Variants in CALB2 observed in about 807,000 individuals in gnomAD.
The protein encoded by CALB2 is calbindin 2.
CALB2 carries 34 observed loss-of-function variants against 45.9 expected under a neutral mutation model. The ratio of observed to expected loss-of-function variants is 0.74; its 90% CI spans 0.56 to 0.99. The LOEUF (loss-of-function observed/expected upper bound fraction) is 0.99. Among genes scored for constraint, CALB2 ranks in the 50% least tolerant of loss-of-function variants. The pLI is 0.00. For missense variants in CALB2, 344 were observed against 339.3 expected, an observed-to-expected ratio of 1.01 and a Z score of -0.11; for synonymous variants, 142 against 129.6, an observed-to-expected ratio of 1.10 and a Z score of -0.65.
rs1443716702 is a variant in CALB2 at position 71,358,725 on chromosome 16, C to A, written c.-68C>A. 5.5e-6 allele frequency: 7 copies of A among 1,264,204 alleles called. No homozygotes were observed. The highest frequency in any genetic ancestry group is 2.3e-4 in the Middle Eastern group (1 of 4,398). The allele number at this position is 1,264,204 out of a possible 1,614,324, so 78.3% of individuals were successfully genotyped here. ...AGGGCAGCGTGGCGCACAACCCCAGCGCGAGTGCCAGAGCCCAGCCGGCGC... is the reference window on the plus strand; with the variant it reads ...AGGGCAGCGTGGCGCACAACCCCAGAGCGAGTGCCAGAGCCCAGCCGGCGC... On this transcript the variant is annotated 5_prime_UTR_variant, in exon 1 of 11. Transcript: ENST00000302628.
Position 71,390,046 on chromosome 16 carries a change from C to G in CALB2, c.*181C>G, listed in dbSNP as rs2042620030. On this transcript the variant is annotated 3_prime_UTR_variant, in exon 11 of 11. Transcript: ENST00000302628. ...CAGCTGGGGGGCTGTCCTGAGCCCC[C>G]TGCACCCACCCCTGCCCAGGCAGTC... 3.4e-6 allele frequency: 2 copies of G among 588,664 alleles called. No homozygotes were observed. Among genetic ancestry groups the G allele is most frequent in the Non-Finnish European group, 6.1e-6 (2 of 328,940 alleles). 36.5% of individuals were successfully genotyped at this position (588,664 alleles called of 1,614,324 possible). A position where few individuals can be genotyped will look rare whatever the true frequency, so the allele number is the denominator to read the frequency against.
In CALB2 at chr16:71,370,267, C is replaced by G. The variant is rs139420799; in HGVS notation, c.95-1886C>G. Among the ~76,000 whole-genome samples, 199 of 152,302 alleles carry G rather than the reference C, an allele frequency of 1.3e-3. 2 individuals are homozygous for G. The highest frequency in any genetic ancestry group is 4.4e-3 in the African/African-American group (184 of 41,576). On this transcript the variant is annotated intron_variant, in intron 1 of 10. Coordinates refer to ENST00000302628, the MANE Select transcript of CALB2 (RefSeq NM_001740.5). Reference sequence around the variant, plus strand: ...GGAGAGGCTGGGAAAAGCCTCCCCCCACAACCCCTCACAGAGGCTGGGGTA... The same window carrying G: ...GGAGAGGCTGGGAAAAGCCTCCCCCGACAACCCCTCACAGAGGCTGGGGTA...
In CALB2 at chr16:71,389,828, A is replaced by G; in HGVS notation, c.779A>G (p.Asp260Gly). The change falls in exon 11 of 11, where the codon GAC (aspartate) becomes GGC (glycine). Residue 260 changes from aspartate (D) to glycine (G), a missense_variant. Asp to Gly is a moderately conservative substitution (Grantham distance 94). Transcript: ENST00000302628. ...GAGGCAGGGAAGCTCTACCGCAAGG[A>G]CCTGGAGATTGTGCTCTGCAGCGAG... The part of the protein sequence containing the change: ...LAEAGKLYRK[D>G]LEIVLCSEPP... The G allele has an allele frequency of 6.2e-7, 1 of 1,613,936 alleles. No individual in the cohort carries two copies. The highest frequency in any genetic ancestry group is 8.5e-7 in the Non-Finnish European group (1 of 1,179,960).
intron 4 of CALB2, among the ~76,000 whole-genome samples, chr16:71,379,221 G>A (rs2042455115): frequency 6.6e-6 from 1 of 151,916 alleles, no homozygotes; most frequent in African/African-American, 2.4e-5. Flanking sequence ...AGGTTGCAGT[G>A]AGCCAAGATC....
At chr16:71,377,077 A>G (rs931773168) in intron 3 of CALB2, among the ~76,000 whole-genome samples, 1 of 152,198 alleles carries the variant, frequency 6.6e-6, no homozygotes, top group Non-Finnish European at 1.5e-5. Flanking sequence ...TCCAGGAGCA[A>G]AAAAGGGGGT....
intron 1 of CALB2, among the ~76,000 whole-genome samples, chr16:71,366,891 A>G (rs2042293918): frequency 6.6e-6 from 1 of 152,168 alleles, no homozygotes; most frequent in South Asian, 2.1e-4. Flanking sequence ...TGAGGCTCAG[A>G]GAGATTGACT....
rs1265337095 is a variant in CALB2 at position 71,380,287 on chromosome 16, CTTTTCTTTTT to C, written c.343-2427_343-2418del. Reference sequence around the variant, plus strand: ...CTTTTCTTTCTTTCTTCTTTCCTTCCTTTTCTTTTTTTTTTTTTTTTTTTTTTTTTTTTTT... The same window carrying C: ...CTTTTCTTTCTTTCTTCTTTCCTTCCTTTTTTTTTTTTTTTTTTTTTTTTT... On this transcript the variant is annotated intron_variant, in intron 4 of 10. Coordinates refer to ENST00000302628, the MANE Select transcript of CALB2 (RefSeq NM_001740.5). Among the ~76,000 whole-genome samples, 77 of 87,072 alleles carry C rather than the reference CTTTTCTTTTT, an allele frequency of 8.8e-4. 5 individuals carry two copies. The highest frequency in any genetic ancestry group is 2.9e-3 in the African/African-American group (70 of 23,812). 57.1% of individuals were successfully genotyped at this position (87,072 alleles called of 152,430 possible).
At chr16:71,383,239 CA>C in intron 5 of CALB2, 127 bp from the exon 6 acceptor site, 1 of 867,616 alleles carries the variant, frequency 1.2e-6, no homozygotes, top group Non-Finnish European at 1.9e-6. Context: ...GGCCCTGAGT[CA>C]TAGAACTGGT....
intron 1 of CALB2, among the ~76,000 whole-genome samples, chr16:71,369,424 G>A (rs2042322317): frequency 6.6e-6 from 1 of 152,192 alleles, no homozygotes; most frequent in Non-Finnish European, 1.5e-5. Flanking sequence ...AGGGGCCAGA[G>A]AAGAAATGGC....
intron 1 of CALB2, among the ~76,000 whole-genome samples, chr16:71,368,669 C>G (rs1159629492): frequency 6.6e-6 from 1 of 152,084 alleles, no homozygotes; most frequent in Non-Finnish European, 1.5e-5. Context: ...CTTCTGTCAC[C>G]AGAAAAGGAT....
chr16:71,386,445 G>A (rs188053692), intron 10 of CALB2, among the ~76,000 whole-genome samples: 94 of 152,334 alleles, frequency 6.2e-4, no homozygotes, highest in African/African-American at 2.1e-3. Flanking sequence ...TCGGGAGCTG[G>A]GGGAGGGGTT....
chr16:71,374,872 G>T, intron 3 of CALB2, 38 bp downstream of exon 3: 2 of 1,427,398 alleles, frequency 1.4e-6, no homozygotes, highest in Non-Finnish European at 2.0e-6. Flanking sequence ...TGTGTGGGAG[G>T]GGCCCTGGGT....
intron 1 of CALB2, among the ~76,000 whole-genome samples, chr16:71,371,324 A>G (rs1458800713): frequency 1.3e-5 from 2 of 152,138 alleles, no homozygotes; most frequent in African/African-American, 4.8e-5. Flanking sequence ...CATAGGACAG[A>G]TGCCCTGTGG....
At chr16:71,382,528 T>C (rs12919213) in intron 4 of CALB2, among the ~76,000 whole-genome samples, 191 bp from the exon 5 acceptor site, 132,200 of 152,266 alleles carry the variant, frequency 0.87, 57,702 homozygotes, top group African/African-American at 0.92. Context: ...ATGAGATCAC[T>C]GTCGAGATAC....
At chr16:71,373,144 G>A (rs1468502502) in intron 2 of CALB2, among the ~76,000 whole-genome samples, 1 of 152,176 alleles carries the variant, frequency 6.6e-6, no homozygotes, top group Non-Finnish European at 1.5e-5. Flanking sequence ...TCTGGTTCTG[G>A]AGTACATGGA....
chr16:71,389,889 C>T lies in CALB2; in HGVS notation c.*24C>T, dbSNP rs950151460. Reference sequence around the variant, plus strand: ...AAAGTGGGGACGGGGGCTGCTTCTCCACCTCCCCCAAACCCTGCTTCTGCT... The same window carrying T: ...AAAGTGGGGACGGGGGCTGCTTCTCTACCTCCCCCAAACCCTGCTTCTGCT... On this transcript the variant is annotated 3_prime_UTR_variant, in exon 11 of 11. Transcript: ENST00000302628. The T allele has an allele frequency of 2.1e-5, 32 of 1,541,442 alleles. No homozygotes were observed. The highest frequency in any genetic ancestry group is 2.9e-5 in the Non-Finnish European group (32 of 1,116,738).
intron 1 of CALB2, among the ~76,000 whole-genome samples, chr16:71,369,081 C>T (rs929327879): frequency 6.6e-6 from 1 of 152,156 alleles, no homozygotes; most frequent in Admixed American, 6.5e-5. Context: ...CCCTCTGCTC[C>T]CCTAAATCTT....
intron 10 of CALB2, among the ~76,000 whole-genome samples, chr16:71,388,597 T>G (rs943789864): frequency 2.6e-5 from 4 of 152,138 alleles, no homozygotes; most frequent in African/African-American, 9.7e-5. Flanking sequence ...ATGGCTCACC[T>G]GTCTCAGTGG....
At position 71,389,850 on chromosome 16, in the gene CALB2, C is replaced by A. The variant is rs367551104; in HGVS notation, c.801C>A (p.Ser267Arg). ...YRKDLEIVLC[S>R]EPPM ...AGGACCTGGAGATTGTGCTCTGCAG[C>A]GAGCCCCCCATGTAAAGTGGGGACG... The change falls in exon 11 of 11, where the codon AGC becomes AGA. Residue 267 changes from serine to arginine, a missense_variant. By Grantham distance (110) the Ser-to-Arg change is moderately radical. This residue lies in a region of CALB2 where 263 missense variants were observed against 241.7 expected (regional missense o/e 1.09). Transcript: ENST00000302628. 6.2e-7 allele frequency: 1 copy of A among 1,612,696 alleles called. No homozygotes were observed. The highest frequency in any genetic ancestry group is 8.5e-7 in the Non-Finnish European group (1 of 1,179,152).
Sources: allele counts gnomAD v4.1 joint callset (sites outside exome capture counted in the v4.1 genomes callset), GRCh38; gene constraint gnomAD v4.1.1; regional missense constraint gnomAD v4.1.1; transcripts MANE v1.5; gene names NCBI Gene and HGNC (gene_info 2026-07-23, HGNC 2026-07-21).